TRPM3: variants seen among roughly 807,000 people sequenced by gnomAD.
TRPM3 encodes transient receptor potential cation channel subfamily M member 3.
TRPM3 carries 77 observed loss-of-function variants against 181.2 expected under a neutral mutation model. The ratio of observed to expected loss-of-function variants is 0.42; its 90% CI spans 0.35 to 0.51. The LOEUF is 0.51. TRPM3 is among the 20% of genes least tolerant of loss of function. The pLI is 0.01. For missense variants in TRPM3, 1,759 were observed against 2,196.7 expected, an observed-to-expected ratio of 0.80 and a Z score of 3.98; for synonymous variants, 745 against 796.4, an observed-to-expected ratio of 0.94 and a Z score of 1.09.
At chr9:70,906,540 A>C (rs576425010) in intron 1 of TRPM3, among the ~76,000 whole-genome samples, 2 of 151,410 alleles carry the variant, frequency 1.3e-5, no homozygotes, top group South Asian at 4.1e-4. Flanking sequence ...AGGCTTCTCC[A>C]GGACTAGAGA....
chr9:71,191,940 G>GTGCTT (rs1038678361), intron 1 of TRPM3, among the ~76,000 whole-genome samples: 2 of 151,662 alleles, frequency 1.3e-5, no homozygotes, highest in African/African-American at 4.8e-5. Context: ...AGGTAACTAT[G>GTGCTT]TGCTTTACTC....
intron 1 of TRPM3, among the ~76,000 whole-genome samples, chr9:71,388,287 T>C (rs1362574627): frequency 6.6e-6 from 1 of 152,182 alleles, no homozygotes; most frequent in Non-Finnish European, 1.5e-5. Context: ...CGCTGTTTTT[T>C]TCAAGAAAAG....
chr9:70,937,274 T>C (rs2096837582), intron 1 of TRPM3, among the ~76,000 whole-genome samples: 1 of 152,178 alleles, frequency 6.6e-6, no homozygotes, highest in African/African-American at 2.4e-5. Flanking sequence ...TTCTATTCTC[T>C]AGTTTCCCTT....
intron 1 of TRPM3, among the ~76,000 whole-genome samples, chr9:71,404,070 C>G (rs2093391316): frequency 6.6e-6 from 1 of 152,156 alleles, no homozygotes; most frequent in South Asian, 2.1e-4. Context: ...AAACCTCTTA[C>G]AAGCTTAGCA....
At chr9:71,089,144 A>G (rs1165967406) in intron 1 of TRPM3, among the ~76,000 whole-genome samples, 2 of 147,686 alleles carry the variant, frequency 1.4e-5, no homozygotes, top group South Asian at 2.1e-4. Context: ...ATTATATATG[A>G]ATATATATTT....
chr9:70,675,699 A>G (rs1460413323), intron 9 of TRPM3, among the ~76,000 whole-genome samples: 1 of 152,168 alleles, frequency 6.6e-6, no homozygotes, highest in Non-Finnish European at 1.5e-5. Context: ...GTGATCAGCT[A>G]TTATTCATAG....
At position 70,860,295 on chromosome 9, in the gene TRPM3, G is replaced by A. The variant is rs1589315459; in HGVS notation, c.462+2613C>T. ...TAAACAGTGAGAGAGTGAAGGCTGAGATCCAGTTCTGTCTGACTTCAAGAT... is the reference window on the plus strand; with the variant it reads ...TAAACAGTGAGAGAGTGAAGGCTGAAATCCAGTTCTGTCTGACTTCAAGAT... On this transcript the variant is annotated intron_variant, in intron 3 of 25. Coordinates refer to ENST00000677713, the MANE Select transcript of TRPM3 (RefSeq NM_001366145.2). Among the ~76,000 whole-genome samples the A allele has an allele frequency of 3.3e-5, 5 of 152,314 alleles. No individual in the cohort carries two copies. In the South Asian group the frequency reaches 1.0e-3, roughly 32 times the overall value.
rs142388320 is a variant in TRPM3 at position 71,356,290 on chromosome 9, T to C, written c.183+90363A>G. On this transcript the variant is annotated intron_variant, in intron 1 of 24. Coordinates refer to the TRPM3 transcript ENST00000357533. ...GTCTGTGGTATGGATTATTTCATCA[T>C]CCTGGTGTTAAGCCTAGTACCCATT... Among the ~76,000 whole-genome samples, 747 of 152,252 alleles carry C rather than the reference T, an allele frequency of 4.9e-3. 4 individuals are homozygous for C. Among genetic ancestry groups the C allele is most frequent in the African/African-American group, 0.015 (620 of 41,552 alleles).
chr9:70,642,720 G>C (rs1482750754), intron 9 of TRPM3, among the ~76,000 whole-genome samples: 1 of 152,208 alleles, frequency 6.6e-6, no homozygotes, highest in Non-Finnish European at 1.5e-5. Flanking sequence ...TGGGCTCTGA[G>C]ATACTGACGT....
At chr9:71,187,884 A>T (rs2134971666) in intron 1 of TRPM3, among the ~76,000 whole-genome samples, 1 of 148,678 alleles carries the variant, frequency 6.7e-6, no homozygotes, top group Non-Finnish European at 1.5e-5. Flanking sequence ...AGACAGGCAG[A>T]CAGATGATAG....
At chr9:71,064,119 C>T (rs944766442) in intron 1 of TRPM3, among the ~76,000 whole-genome samples, 9 of 152,140 alleles carry the variant, frequency 5.9e-5, no homozygotes, top group African/African-American at 1.7e-4. Flanking sequence ...TGCTGAACTT[C>T]TAGCTCATAA....
At chr9:70,701,727 A>C (rs112744439) in intron 8 of TRPM3, among the ~76,000 whole-genome samples, 4 of 152,332 alleles carry the variant, frequency 2.6e-5, no homozygotes, top group African/African-American at 9.6e-5. Flanking sequence ...AATTGAACAT[A>C]TCTAGATTCT....
At chr9:71,434,771 CTG>C (rs565830070) in intron 1 of TRPM3, among the ~76,000 whole-genome samples, 305 of 152,230 alleles carry the variant, frequency 2.0e-3, no homozygotes, top group Non-Finnish European at 3.6e-3. Flanking sequence ...ATTTTGAAGA[CTG>C]TGTTAAATTT....
Position 70,535,702 on chromosome 9 carries a change from CCT to C in TRPM3, c.*249_*250del. On this transcript the variant is annotated 3_prime_UTR_variant, in exon 26 of 26. Transcript: ENST00000677713. ...CATTCATCTCTAACCCTTCCTTCTC[CCT>C]CTCTTCCCCCTCCCTGCCCAGCAAG... 1.4e-6 allele frequency: 2 copies of C among 1,434,108 alleles called. No homozygotes were observed. Among genetic ancestry groups the C allele is most frequent in the Non-Finnish European group, 1.8e-6 (2 of 1,101,010 alleles). 88.8% of individuals were successfully genotyped at this position (1,434,108 alleles called of 1,614,324 possible).
At chr9:71,379,005 A>G (rs1481600547) in intron 1 of TRPM3, among the ~76,000 whole-genome samples, 2 of 152,046 alleles carry the variant, frequency 1.3e-5, no homozygotes, top group African/African-American at 2.4e-5. Flanking sequence ...AAAACAGTAC[A>G]CATTTTTAAG....
At chr9:70,604,146 C>A (rs545270209) in intron 19 of TRPM3, among the ~76,000 whole-genome samples, 1 of 152,106 alleles carries the variant, frequency 6.6e-6, no homozygotes. Flanking sequence ...CTTTTGTGGA[C>A]GGGTGTGGGG....
At chr9:71,233,865 A>G (rs1289871072) in intron 1 of TRPM3, among the ~76,000 whole-genome samples, 1 of 152,244 alleles carries the variant, frequency 6.6e-6, no homozygotes, top group African/African-American at 2.4e-5. Context: ...ACTGAATAAA[A>G]TCCGGTTGAC....
Position 71,031,977 on chromosome 9 carries a change from T to TATATATATATATA in TRPM3, c.177+89200_177+89201insTATATATATATAT, listed in dbSNP as rs1422340634. ...TATATAATTATATATATATATTATATATATATATATTATATATATATAATT... is the reference window on the plus strand; with the variant it reads ...TATATAATTATATATATATATTATATATATATATATATAATATATATATTATATATATATAATT... On this transcript the variant is annotated intron_variant, in intron 1 of 25. Coordinates refer to ENST00000677713, the MANE Select transcript of TRPM3 (RefSeq NM_001366145.2). Among the ~76,000 whole-genome samples, 10 of 2,888 alleles carry TATATATATATATA rather than the reference T, an allele frequency of 3.5e-3. 2 individuals carry two copies. The highest frequency in any genetic ancestry group is 9.4e-3 in the Admixed American group (1 of 106). The allele number at this position is 2,888 out of a possible 152,430, so 1.9% of individuals were successfully genotyped here.
Position 70,846,351 on chromosome 9 carries a change from G to C in TRPM3, c.676+27C>G, listed in dbSNP as rs370155667. ...GCACAACATTCCCATGGCCTATGTT[G>C]ACTTTCTCTGTTCCACTTGCAATTA... On this transcript the variant is annotated intron_variant, in intron 4 of 25. Transcript: ENST00000677713. 1.1e-4 allele frequency: 181 copies of C among 1,597,342 alleles called. 2 individuals are homozygous for C. Among genetic ancestry groups the C allele is most frequent in the Admixed American group, 5.7e-4 (34 of 59,974 alleles).
Sources: allele counts gnomAD v4.1 joint callset (sites outside exome capture counted in the v4.1 genomes callset), GRCh38; gene constraint gnomAD v4.1.1; transcripts MANE v1.5; gene names NCBI Gene and HGNC (gene_info 2026-07-23, HGNC 2026-07-21).